CDH4: variants seen among roughly 807,000 people sequenced by gnomAD.
CDH4 encodes the protein cadherin-4.
A neutral mutation model predicts 86.0 loss-of-function variants in CDH4; 33 were observed. That is an observed-to-expected ratio of 0.38 (90% CI 0.29 to 0.51). The LOEUF (loss-of-function observed/expected upper bound fraction) is 0.51, where lower values mean the gene tolerates loss of function less well. CDH4 is among the 20% of genes least tolerant of loss of function. CDH4 has a pLI of 0.86. For missense variants in CDH4, 1,114 were observed against 1,307.4 expected, an observed-to-expected ratio of 0.85 and a Z score of 2.28; for synonymous variants, 555 against 549.4, an observed-to-expected ratio of 1.01 and a Z score of -0.14.
At chr20:61,858,232 TGTGTCTGTGTCTGTGTGTCTGC>T in intron 6 of CDH4, among the ~76,000 whole-genome samples, 2 of 150,946 alleles carry the variant, frequency 1.3e-5, no homozygotes, top group Middle Eastern at 6.8e-3. Context: ...TCTGTGTCTG[TGTGTCTGTGTCTGTGTGTCTGC>T]GTCTGTGTGT....
chr20:61,919,686 G>T (rs1222614055), intron 9 of CDH4, among the ~76,000 whole-genome samples: 2 of 152,212 alleles, frequency 1.3e-5, no homozygotes, highest in Admixed American at 6.5e-5. Context: ...GGCATTCCTA[G>T]AAGTAGGAGG....
At chr20:61,774,485 T>C (rs571473486) in intron 4 of CDH4, among the ~76,000 whole-genome samples, 1 of 152,362 alleles carries the variant, frequency 6.6e-6, no homozygotes, top group East Asian at 1.9e-4. Context: ...GTGTTGTCAT[T>C]GACTTAAAAT....
chr20:61,855,120 A>G (rs1982942184), intron 6 of CDH4, among the ~76,000 whole-genome samples: 1 of 140,514 alleles, frequency 7.1e-6, no homozygotes, highest in Non-Finnish European at 1.5e-5. Flanking sequence ...CCAGGGGTGC[A>G]GTGTGAACAG....
chr20:61,546,770 T>C (rs985679467), intron 2 of CDH4, among the ~76,000 whole-genome samples: 1 of 152,126 alleles, frequency 6.6e-6, no homozygotes, highest in Non-Finnish European at 1.5e-5. Context: ...AACTTTCCTT[T>C]CAGGATAGGA....
At chr20:61,554,104 C>T (rs1039605749) in intron 2 of CDH4, among the ~76,000 whole-genome samples, 2 of 152,202 alleles carry the variant, frequency 1.3e-5, no homozygotes, top group African/African-American at 4.8e-5. Flanking sequence ...CTGGCTCTAC[C>T]TTCTGTTTCA....
chr20:61,717,270 C>A (rs2145906667), intron 2 of CDH4, among the ~76,000 whole-genome samples: 1 of 152,316 alleles, frequency 6.6e-6, no homozygotes, highest in South Asian at 2.1e-4. Context: ...GCCATGAGCA[C>A]CATGCCACCG....
chr20:61,869,541 G>A (rs1232156647), intron 6 of CDH4, among the ~76,000 whole-genome samples: 2 of 152,328 alleles, frequency 1.3e-5, no homozygotes, highest in Non-Finnish European at 2.9e-5. Context: ...GTGGGATTCA[G>A]TTTCCCCATC....
At chr20:61,260,022 C>T (rs1013647153) in intron 2 of CDH4, among the ~76,000 whole-genome samples, 1 of 152,142 alleles carries the variant, frequency 6.6e-6, no homozygotes, top group Admixed American at 6.5e-5. Flanking sequence ...ATGGCAGAGC[C>T]CTGGACTCAT....
At chr20:61,755,719 G>T (rs900016147) in intron 3 of CDH4, among the ~76,000 whole-genome samples, 1 of 139,578 alleles carries the variant, frequency 7.2e-6, no homozygotes, top group Non-Finnish European at 1.6e-5. Flanking sequence ...TACATGAATC[G>T]CATGGACATA....
chr20:61,447,828 C>A (rs374208561), intron 2 of CDH4, among the ~76,000 whole-genome samples: 95 of 152,266 alleles, frequency 6.2e-4, no homozygotes, highest in African/African-American at 2.2e-3. Context: ...ACAAGACTTT[C>A]ATTTGGAAAT....
At chr20:61,465,576 G>A (rs550024675) in intron 2 of CDH4, among the ~76,000 whole-genome samples, 2 of 152,226 alleles carry the variant, frequency 1.3e-5, no homozygotes, top group Admixed American at 6.5e-5. Context: ...ATGTAGAGAC[G>A]GCCAAATGCA....
rs868394633 is a variant in CDH4, at chr20:61,272,880, G to C, written c.169+17943G>C. On this transcript the variant is annotated intron_variant, in intron 2 of 15. Transcript: ENST00000614565. ...TTTGGGAGAGTACCATGCGCAGTTTGGGAGAGTACCGTGTGCAGTTTGGGG... is the reference window on the plus strand; with the variant it reads ...TTTGGGAGAGTACCATGCGCAGTTTCGGAGAGTACCGTGTGCAGTTTGGGG... Among the ~76,000 whole-genome samples, 3 of 148,286 alleles carry C rather than the reference G, an allele frequency of 2.0e-5. No individual in the cohort carries two copies. The South Asian group carries it at 6.6e-4, about 32-fold the overall frequency.
At chr20:61,886,719 GAGCACT>G (rs1220913449) in intron 7 of CDH4, among the ~76,000 whole-genome samples, 5 of 152,216 alleles carry the variant, frequency 3.3e-5, no homozygotes, top group Non-Finnish European at 4.4e-5. Context: ...CTGGCCTCCA[GAGCACT>G]CACCAGCCCC....
intron 2 of CDH4, among the ~76,000 whole-genome samples, chr20:61,499,780 C>T (rs560975919): frequency 9.4e-4 from 143 of 152,246 alleles, no homozygotes; most frequent in Non-Finnish European, 1.2e-3. Context: ...GCTTTGGGGA[C>T]GATGAGGAGA....
intron 8 of CDH4, among the ~76,000 whole-genome samples, chr20:61,895,602 G>A (rs112344704): frequency 1.9e-3 from 295 of 152,328 alleles, no homozygotes; most frequent in African/African-American, 6.8e-3. Context: ...GTGGGAACAC[G>A]GTGGAGACAG....
intron 2 of CDH4, among the ~76,000 whole-genome samples, chr20:61,632,561 GTC>G (rs917995154): frequency 1.3e-5 from 2 of 151,954 alleles, no homozygotes; most frequent in Non-Finnish European, 2.9e-5. Context: ...GGGCTGGGTG[GTC>G]TCTCCTTTGT....
chr20:61,485,933 A>T (rs1389303900), intron 2 of CDH4, among the ~76,000 whole-genome samples: 2 of 152,100 alleles, frequency 1.3e-5, no homozygotes, highest in African/African-American at 4.8e-5. Context: ...GCACCCACTA[A>T]TTACACCACC....
chr20:61,597,127 C>T (rs2086562313), intron 2 of CDH4, among the ~76,000 whole-genome samples: 1 of 152,216 alleles, frequency 6.6e-6, no homozygotes, highest in Admixed American at 6.5e-5. Flanking sequence ...TCACAGGAGG[C>T]TGCTGTTTTC....
intron 2 of CDH4, among the ~76,000 whole-genome samples, chr20:61,338,162 A>G (rs1412022816): frequency 6.6e-6 from 1 of 152,168 alleles, no homozygotes; most frequent in African/African-American, 2.4e-5. Context: ...TTGACCAAGG[A>G]AAGAAATATT....
Sources: gnomAD v4.1 joint callset for allele counts (sites outside exome capture counted in the v4.1 genomes callset) on GRCh38, gnomAD v4.1.1 for gene constraint, MANE v1.5 for transcripts, NCBI Gene and HGNC (gene_info 2026-07-23, HGNC 2026-07-21) for gene names.